The following GSE1 variants were observed in gnomAD, a reference collection of about 807,000 sequenced individuals.
GSE1 encodes Gse1 coiled-coil protein.
GSE1 carries 32 observed loss-of-function variants against 112.6 expected under a neutral mutation model. The ratio of observed to expected loss-of-function variants is 0.28; its 90% confidence interval spans 0.21 to 0.38. The LOEUF is 0.38. Ranked by LOEUF, GSE1 falls within the 10% of genes least tolerant of loss-of-function variation. The pLI is 1.00. For synonymous variants in GSE1, 1,115 were observed against 735.6 expected (o/e 1.52, Z -8.35); for missense variants, 2,348 against 1,699.2 (o/e 1.38, Z -6.71).
chr16:85,325,512 C>CA (rs1397677813), intron 1 of GSE1, among the ~76,000 whole-genome samples: 4 of 151,980 alleles, frequency 2.6e-5, no homozygotes, highest in Non-Finnish European at 5.9e-5. Flanking sequence ...AGTGCAGTGA[C>CA]ACGATCTCAG....
intron 2 of GSE1, among the ~76,000 whole-genome samples, chr16:85,516,858 C>T (rs557854033): frequency 4.8e-4 from 69 of 143,674 alleles, no homozygotes; most frequent in Middle Eastern, 7.6e-3. Flanking sequence ...AGTGCAGTGG[C>T]GTGATCTCCA....
chr16:85,666,264 A>C lies in GSE1; in HGVS notation c.3047A>C (p.Glu1016Ala). The change falls in exon 13 of 16, where the codon GAG (glutamate) becomes GCG (alanine). Residue 1016 changes from glutamate (E) to alanine (A), a missense_variant. Transcript: ENST00000253458. ...HSTNGKSKPW[E>A]PFVAEEFAHQ... ...ACCAATGGGAAGAGCAAGCCGTGGG[A>C]GCCCTTTGTGGCAGAAGAGTTTGCA... 1 of 1,613,858 alleles carries C rather than the reference A, an allele frequency of 6.2e-7. No homozygotes were observed. Among genetic ancestry groups the C allele is most frequent in the Non-Finnish European group, 8.5e-7 (1 of 1,180,038 alleles).
At chr16:85,536,053 A>C (rs1231769691) in intron 2 of GSE1, among the ~76,000 whole-genome samples, 2 of 152,224 alleles carry the variant, frequency 1.3e-5, no homozygotes, top group African/African-American at 4.8e-5. Flanking sequence ...GACAGTAGCA[A>C]AGCAGACCCA....
chr16:85,313,395 G>C (rs1328772106), intron 1 of GSE1, among the ~76,000 whole-genome samples: 1 of 152,164 alleles, frequency 6.6e-6, no homozygotes, highest in Non-Finnish European at 1.5e-5. Flanking sequence ...GACCACCCTG[G>C]TGGAAGTCTC....
At chr16:85,500,102 G>A (rs746229436) in intron 2 of GSE1, among the ~76,000 whole-genome samples, 1 of 152,164 alleles carries the variant, frequency 6.6e-6, no homozygotes, top group Non-Finnish European at 1.5e-5. Flanking sequence ...TAGTACTGTG[G>A]AATATTAGGG....
chr16:85,343,140 C>T (rs879891209), intron 1 of GSE1, among the ~76,000 whole-genome samples: 6 of 152,062 alleles, frequency 3.9e-5, no homozygotes, highest in East Asian at 3.9e-4. Context: ...CAAAGCGTGG[C>T]GCGTCCACAC....
At chr16:85,656,856 T>C (rs949226370) in intron 7 of GSE1, among the ~76,000 whole-genome samples, 191 bp downstream of exon 7, 9 of 152,266 alleles carry the variant, frequency 5.9e-5, no homozygotes, top group Non-Finnish European at 1.3e-4. Flanking sequence ...ACAGTGGATA[T>C]AGCTGACCCC....
chr16:85,546,600 C>A (rs2044710805), intron 2 of GSE1, among the ~76,000 whole-genome samples: 1 of 152,212 alleles, frequency 6.6e-6, no homozygotes. Context: ...TACTCAGAGT[C>A]ATCCTGGGAG....
At chr16:85,395,667 G>C (rs1597591800) in intron 2 of GSE1, among the ~76,000 whole-genome samples, 1 of 152,120 alleles carries the variant, frequency 6.6e-6, no homozygotes, top group Non-Finnish European at 1.5e-5. Context: ...TGCATCTTTT[G>C]ACTCACCCTG....
chr16:85,555,319 G>C, upstream of GSE1: 1 of 984,662 alleles, frequency 1.0e-6, no homozygotes, highest in East Asian at 1.2e-4. Context: ...GCCCCCGCGA[G>C]TTCTTTCTCC....
intron 2 of GSE1, among the ~76,000 whole-genome samples, chr16:85,370,618 TCCCTCCCTCCTTCTC>T (rs2047276302): frequency 3.8e-4 from 2 of 5,268 alleles, no homozygotes. Flanking sequence ...CCTCCTTCTC[TCCCTCCCTCCTTCTC>T]TCCCTCCCTC....
At chr16:85,175,590 T>G (rs1015806228) in intron 1 of GSE1, among the ~76,000 whole-genome samples, 19 of 152,226 alleles carry the variant, frequency 1.2e-4, no homozygotes, top group Non-Finnish European at 2.5e-4. Flanking sequence ...GAAGTGCTGC[T>G]GGCGCGACGC....
chr16:85,437,199 C>T (rs1160887196), intron 2 of GSE1, among the ~76,000 whole-genome samples: 2 of 152,152 alleles, frequency 1.3e-5, no homozygotes, highest in Non-Finnish European at 2.9e-5. Context: ...TCCCTGCGGA[C>T]GCCTCCGCCG....
At chr16:85,477,750 C>T (rs895562585) in intron 2 of GSE1, among the ~76,000 whole-genome samples, 1 of 151,750 alleles carries the variant, frequency 6.6e-6, no homozygotes, top group Non-Finnish European at 1.5e-5. Flanking sequence ...TTAGTAGAGA[C>T]GGGGTTTCAC....
At position 85,632,223 on chromosome 16, in the gene GSE1, C is replaced by T. The variant is rs191040232; in HGVS notation, c.8-1691C>T. Reference sequence around the variant, plus strand: ...GGCCCGCTGCTGCAGGGCACGGCCACGGCGCCACCTGGCTGTTGCCTGCCA... The same window carrying T: ...GGCCCGCTGCTGCAGGGCACGGCCATGGCGCCACCTGGCTGTTGCCTGCCA... On this transcript the variant is annotated intron_variant, in intron 1 of 15. Coordinates refer to ENST00000253458, the MANE Select transcript of GSE1 (RefSeq NM_014615.5). Among the ~76,000 whole-genome samples the T allele has an allele frequency of 9.9e-4, 151 of 152,310 alleles. 3 individuals are homozygous for T. The East Asian group carries it at 0.019, about 19-fold the overall frequency.
At chr16:85,657,723 A>G in intron 8 of GSE1, 119 bp downstream of exon 8, 2 of 655,560 alleles carry the variant, frequency 3.1e-6, no homozygotes, top group Non-Finnish European at 4.9e-6. Flanking sequence ...TGCCTCTTTC[A>G]TTTCTGTTCT....
At chr16:85,460,606 C>T (rs902354066) in intron 2 of GSE1, among the ~76,000 whole-genome samples, 3 of 152,242 alleles carry the variant, frequency 2.0e-5, no homozygotes, top group Non-Finnish European at 2.9e-5. Flanking sequence ...AATGAGGCCT[C>T]GGCTGCTCCA....
chr16:85,580,641 C>A (rs1028086472), intron 1 of GSE1, among the ~76,000 whole-genome samples: 1 of 152,254 alleles, frequency 6.6e-6, no homozygotes, highest in Non-Finnish European at 1.5e-5. Flanking sequence ...AATGTTTGTG[C>A]TCCCCCAAAT....
intron 2 of GSE1, among the ~76,000 whole-genome samples, chr16:85,438,349 G>A (rs1439114226): frequency 6.6e-6 from 1 of 152,210 alleles, no homozygotes; most frequent in African/African-American, 2.4e-5. Context: ...GTGGGGAGTG[G>A]TGGCCTCTGG....
Sources: gnomAD v4.1 joint callset for allele counts (sites outside exome capture counted in the v4.1 genomes callset) on GRCh38, gnomAD v4.1.1 for gene constraint, MANE v1.5 for transcripts, NCBI Gene and HGNC (gene_info 2026-07-23, HGNC 2026-07-21) for gene names.